The following LGALS4 variants were observed in gnomAD, a reference collection of about 807,000 sequenced individuals.
LGALS4 encodes the protein galectin 4.
LGALS4 carries 37 observed loss-of-function variants against 39.6 expected under a neutral mutation model. That is an observed-to-expected ratio of 0.93 (90% CI 0.72 to 1.23). The LOEUF (loss-of-function observed/expected upper bound fraction) is 1.23, where lower values mean the gene tolerates loss of function less well. Ranked by LOEUF, LGALS4 falls within the 50% of genes most tolerant of loss-of-function variation. The pLI is 0.00. For synonymous variants in LGALS4, 160 were observed against 165.5 expected, an observed-to-expected ratio of 0.97 and a Z score of 0.25; for missense variants, 397 against 433.2, an observed-to-expected ratio of 0.92 and a Z score of 0.74.
At chr19:38,809,446 C>T (rs1971466970) in intron 2 of LGALS4, among the ~76,000 whole-genome samples, 1 of 151,890 alleles carries the variant, frequency 6.6e-6, no homozygotes, top group African/African-American at 2.4e-5. Context: ...TCCCAAAGTG[C>T]TGGGATTACA....
chr19:38,806,022 G>C (rs2145355701), intron 4 of LGALS4, among the ~76,000 whole-genome samples: 1 of 151,726 alleles, frequency 6.6e-6, no homozygotes, highest in South Asian at 2.1e-4. Flanking sequence ...CAGTGAGCCA[G>C]AATCACACCA....
In LGALS4 at chr19:38,802,099, G is replaced by C; in HGVS notation, c.718C>G (p.Arg240Gly). The C allele has an allele frequency of 6.2e-7, 1 of 1,614,158 alleles. No homozygotes were observed. ...SGDIALHINP[R>G]MGNGTVVRNS... ...CGGACCACGGTACCGTTGCCCATGCGGGGATTAATGTGCAGAGCTATGTCC... is the reference window on the plus strand; with the variant it reads ...CGGACCACGGTACCGTTGCCCATGCCGGGATTAATGTGCAGAGCTATGTCC... The change falls in exon 9 of 10, where the codon CGC becomes GGC. Residue 240 changes from arginine (R) to glycine (G), a missense_variant. Coordinates refer to ENST00000307751, the MANE Select transcript of LGALS4 (RefSeq NM_006149.4).
In LGALS4 at chr19:38,802,098, C is replaced by G; in HGVS notation, c.719G>C (p.Arg240Pro). 1 of 1,614,138 alleles carries G rather than the reference C, an allele frequency of 6.2e-7. No individual in the cohort carries two copies. The highest frequency in any genetic ancestry group is 8.5e-7 in the Non-Finnish European group (1 of 1,180,002). Residue 240 changes from arginine (R) to proline (P), a missense_variant, in exon 9 of 10, where the codon CGC becomes CCC. Transcript: ENST00000307751. ...CCGGACCACGGTACCGTTGCCCATGCGGGGATTAATGTGCAGAGCTATGTC... is the reference window on the plus strand; with the variant it reads ...CCGGACCACGGTACCGTTGCCCATGGGGGGATTAATGTGCAGAGCTATGTC... ...SGDIALHINP[R>P]MGNGTVVRNS...
rs762949917 is a variant in LGALS4, at chr19:38,803,774, C to T, written c.508G>A (p.Gly170Arg). Residue 170 changes from glycine to arginine, a missense_variant, in exon 6 of 10, where the codon GGA becomes AGA. Transcript: ENST00000307751. Reference protein sequence around the residue: ...PPMMPPYPGPGHCHQQLNSLP... With the variant: ...PPMMPPYPGPRHCHQQLNSLP... ...CTGTTCAGCTGTTGATGGCAATGTC[C>T]GGGACCCTGAACGATGGACAGAAGG... 1.3e-5 allele frequency: 21 copies of T among 1,613,468 alleles called. No homozygotes were observed. The highest frequency in any genetic ancestry group is 3.3e-5 in the South Asian group (3 of 90,978).
In LGALS4 at chr19:38,806,482, T is replaced by G. The variant is rs1971423222; in HGVS notation, c.453A>C (p.Gly151=). 6.2e-7 allele frequency: 1 copy of G among 1,614,138 alleles called. No homozygotes were observed. ...ACACCTGGGGCCGGAGGGGCTGGCC[T>G]CCGATGAAGTTGATTGATTGAAGTT... The part of the protein sequence containing the change: ...DLQLQSINFI[G]GQPLRPQGPP... Residue 151 remains glycine, a synonymous_variant, in exon 4 of 10, where the codon GGA becomes GGC. Transcript: ENST00000307751.
At chr19:38,803,822 G>A (rs1029969361) in intron 5 of LGALS4, 42 bp from the exon 6 acceptor site, 1 of 1,613,232 alleles carries the variant, frequency 6.2e-7, no homozygotes, top group African/African-American at 1.3e-5. Flanking sequence ...GAGGGGCTGA[G>A]GGACCCCACT....
chr19:38,812,714 C>T (rs888309217), intron 1 of LGALS4, 128 bp downstream of exon 1: 27 of 1,087,306 alleles, frequency 2.5e-5, no homozygotes, highest in East Asian at 2.1e-4. Flanking sequence ...AATCGAGGGT[C>T]GGGGTCAGCT....
intron 9 of LGALS4, 25 bp from the exon 10 acceptor site, chr19:38,801,935 G>A: frequency 6.2e-7 from 1 of 1,614,120 alleles, no homozygotes; most frequent in East Asian, 2.2e-5. Context: ...GTGGGCATGA[G>A]GCCAGGGCCA....
Position 38,808,863 on chromosome 19 carries a change from C to T in LGALS4, c.220G>A (p.Val74Met), listed in dbSNP as rs1971456370. ...CCGCCCTGCAACGTGTTGAAGACCA[C>T]CTTGTCCCAGCCGTCAAACCGCGGA... is the stretch of plus-strand genomic sequence containing the variant. The part of the protein sequence containing the change: ...FNPRFDGWDK[V>M]VFNTLQGGKW... The change falls in exon 3 of 10, where the codon GTG (valine) becomes ATG (methionine). Residue 74 changes from valine (V) to methionine (M), a missense_variant. Coordinates refer to ENST00000307751, the MANE Select transcript of LGALS4 (RefSeq NM_006149.4). 6.2e-7 allele frequency: 1 copy of T among 1,614,084 alleles called. No individual in the cohort carries two copies. The highest frequency in any genetic ancestry group is 1.3e-5 in the African/African-American group (1 of 74,940).
chr19:38,808,986 C>T (rs1195228437), intron 2 of LGALS4, 38 bp from the exon 3 acceptor site: 1 of 1,529,888 alleles, frequency 6.5e-7, no homozygotes, highest in Admixed American at 1.9e-5. Flanking sequence ...CTGGTGCCAC[C>T]TCCCGGGGCC....
intron 2 of LGALS4, among the ~76,000 whole-genome samples, chr19:38,809,433 G>A (rs1389130219): frequency 2.0e-5 from 3 of 151,844 alleles, no homozygotes; most frequent in Non-Finnish European, 4.4e-5. Flanking sequence ...ACCTGCCTCG[G>A]CTTCCCAAAG....
At chr19:38,803,493 C>G (rs576954661) in intron 7 of LGALS4, 29 bp downstream of exon 7, 9 of 1,612,270 alleles carry the variant, frequency 5.6e-6, no homozygotes, top group African/African-American at 2.7e-5. Context: ...CCCCTCCCCA[C>G]CATCCATCTC....
chr19:38,812,741 A>T lies in LGALS4; in HGVS notation c.45+101T>A, dbSNP rs114555659. On this transcript the variant is annotated intron_variant, in intron 1 of 9. Coordinates refer to ENST00000307751, the MANE Select transcript of LGALS4 (RefSeq NM_006149.4). Reference sequence around the variant, plus strand: ...GGGTCAGCTTTGGGTAAATCAGACCACAGAGTCAGATGGGGCCCCCCAGGA... The same window carrying T: ...GGGTCAGCTTTGGGTAAATCAGACCTCAGAGTCAGATGGGGCCCCCCAGGA... 5.2e-3 allele frequency: 6,807 copies of T among 1,307,332 alleles called. 265 individuals carry two copies. The African/African-American group carries it at 0.081, about 16-fold the overall frequency. The allele number at this position is 1,307,332 out of a possible 1,614,324, so 81.0% of individuals were successfully genotyped here.
chr19:38,802,685 G>GTT (rs879427825), intron 7 of LGALS4, among the ~76,000 whole-genome samples: 3 of 137,418 alleles, frequency 2.2e-5, no homozygotes, highest in South Asian at 2.4e-4. Flanking sequence ...AACAAATTTT[G>GTT]TTTTTTTTTT....
chr19:38,802,446 G>T, intron 7 of LGALS4, 42 bp from the exon 8 acceptor site: 2 of 1,474,376 alleles, frequency 1.4e-6, no homozygotes, highest in Non-Finnish European at 1.9e-6. Flanking sequence ...TCTCAGCTTA[G>T]CAGAGCCAGA....
At chr19:38,809,820 C>T (rs966946355) in intron 2 of LGALS4, among the ~76,000 whole-genome samples, 1 of 151,856 alleles carries the variant, frequency 6.6e-6, no homozygotes, top group African/African-American at 2.4e-5. Context: ...CCTCCTCCAC[C>T]CTCTTCCCAA....
At chr19:38,812,140 CG>C (rs1971501081) in intron 2 of LGALS4, among the ~76,000 whole-genome samples, 1 of 152,170 alleles carries the variant, frequency 6.6e-6, no homozygotes, top group African/African-American at 2.4e-5. Context: ...GATTTTAACT[CG>C]GGGACCCGGC....
At chr19:38,808,051 T>C (rs898691362) in intron 3 of LGALS4, among the ~76,000 whole-genome samples, 67 of 151,596 alleles carry the variant, frequency 4.4e-4, no homozygotes, top group African/African-American at 9.4e-4. Context: ...GCTGACCTTC[T>C]CTCCACTATT....
chr19:38,801,933 G>GAGGCC, intron 9 of LGALS4, 23 bp from the exon 10 acceptor site: 2 of 1,614,128 alleles, frequency 1.2e-6, no homozygotes, highest in Non-Finnish European at 1.7e-6. Context: ...GGGTGGGCAT[G>GAGGCC]AGGCCAGGGC....
Sources: gnomAD v4.1 joint callset for allele counts (sites outside exome capture counted in the v4.1 genomes callset) on GRCh38, gnomAD v4.1.1 for gene constraint, MANE v1.5 for transcripts, NCBI Gene and HGNC (gene_info 2026-07-23, HGNC 2026-07-21) for gene names.